Variants in KIF1A observed in about 807,000 individuals in gnomAD.
KIF1A encodes kinesin family member 1A, also known as kinesin-like protein KIF1A.
KIF1A carries 46 observed loss-of-function variants against 227.3 expected under a neutral mutation model. That is an observed-to-expected ratio of 0.20 (90% CI 0.16 to 0.26). The LOEUF is 0.26. KIF1A is among the 10% of genes least tolerant of loss of function. The pLI, the probability that KIF1A is intolerant of heterozygous loss-of-function variation, is 1.00. For synonymous variants in KIF1A, 1,022 were observed against 1,012.8 expected, an observed-to-expected ratio of 1.01 and a Z score of -0.17; for missense variants, 1,683 against 2,485.9, an observed-to-expected ratio of 0.68 and a Z score of 6.87.
At chr2:240,720,013 C>T (rs774835128) in intron 45 of KIF1A, 87 bp from the exon 46 acceptor site, 65 of 1,417,894 alleles carry the variant, frequency 4.6e-5, no homozygotes, top group Non-Finnish European at 5.6e-5. Flanking sequence ...CTCAGAGCAC[C>T]TCAGAAGGTG....
chr2:240,815,779 C>T (rs2058272245), intron 1 of KIF1A, among the ~76,000 whole-genome samples: 1 of 152,176 alleles, frequency 6.6e-6, no homozygotes, highest in Non-Finnish European at 1.5e-5. Context: ...GTCCCAGGTC[C>T]TCACTTTACA....
chr2:240,779,664 ACT>A (rs1179336252), intron 10 of KIF1A, among the ~76,000 whole-genome samples: 1 of 149,878 alleles, frequency 6.7e-6, no homozygotes, highest in Non-Finnish European at 1.5e-5. Context: ...ACAGTTCCAC[ACT>A]CAGTTCCTCA....
chr2:240,721,451 G>T (rs1358835748), intron 44 of KIF1A, among the ~76,000 whole-genome samples: 1 of 152,238 alleles, frequency 6.6e-6, no homozygotes, highest in Non-Finnish European at 1.5e-5. Flanking sequence ...GGTGGGGTCG[G>T]TCCCAGGAGG....
At chr2:240,797,014 T>C (rs1274616683) in intron 2 of KIF1A, among the ~76,000 whole-genome samples, 2 of 152,190 alleles carry the variant, frequency 1.3e-5, no homozygotes, top group Non-Finnish European at 2.9e-5. Context: ...TGGCTGTTCA[T>C]GTCACCACTC....
chr2:240,791,855 C>G (rs2055748910), intron 2 of KIF1A, among the ~76,000 whole-genome samples: 1 of 151,998 alleles, frequency 6.6e-6, no homozygotes, highest in South Asian at 2.1e-4. Context: ...TCCTGGGCCC[C>G]CACCCCTCCC....
intron 1 of KIF1A, among the ~76,000 whole-genome samples, chr2:240,805,697 T>C (rs1239697447): frequency 1.3e-5 from 2 of 152,186 alleles, no homozygotes; most frequent in African/African-American, 4.8e-5. Context: ...CCATTACATA[T>C]GGAACATTTA....
rs886703968 is a variant in KIF1A at position 240,736,869 on chromosome 2, G to A, written c.4007+194C>T. On this transcript the variant is annotated intron_variant, in intron 38 of 48. Coordinates refer to ENST00000498729, the MANE Select transcript of KIF1A (RefSeq NM_001244008.2). This position sits in a 1 kb window ranked among gnomAD's most constrained non-coding sequence, Gnocchi z 4.7. The stretch of plus-strand genomic sequence containing the variant: ...TGGGGATGCCTGAACCAGCAACGAG[G>A]TGCACAAACGAGGAGCCGGGGGTGC... Among the ~76,000 whole-genome samples the A allele has an allele frequency of 5.9e-5, 9 of 152,298 alleles. No homozygotes were observed. Among genetic ancestry groups the A allele is most frequent in the Admixed American group, 2.6e-4 (4 of 15,304 alleles).
chr2:240,768,816 G>A (rs533603365), intron 17 of KIF1A, among the ~76,000 whole-genome samples: 2 of 152,260 alleles, frequency 1.3e-5, no homozygotes, highest in South Asian at 2.1e-4. Context: ...CAGGCCCCTC[G>A]TGTCTCAGTC....
chr2:240,761,219 G>C lies in KIF1A; in HGVS notation c.2265+10C>G. The C allele has an allele frequency of 6.2e-7, 1 of 1,609,502 alleles. No individual in the cohort carries two copies. Among genetic ancestry groups the C allele is most frequent in the South Asian group, 1.1e-5 (1 of 90,574 alleles). On this transcript the variant is annotated intron_variant, in intron 24 of 48. Coordinates refer to ENST00000498729, the MANE Select transcript of KIF1A (RefSeq NM_001244008.2). ...CCAACAGGAAACGGTACAGCCAGTG[G>C]GCAGCCCACCTTCTTTTTCAGCTCC...
At chr2:240,754,743 C>A (rs1295791743) in intron 27 of KIF1A, among the ~76,000 whole-genome samples, 2 of 152,152 alleles carry the variant, frequency 1.3e-5, no homozygotes, top group Admixed American at 1.3e-4. Context: ...ACAGACACAC[C>A]CAACGCAGAG....
Position 240,789,826 on chromosome 2 carries a change from G to A in KIF1A, c.107-514C>T, listed in dbSNP as rs1230057332. ...ACTCCAGACAGAGCTCTATGGGACTGTCTTCTGCCAGAGTCCCTCCTCCCC... is the reference window on the plus strand; with the variant it reads ...ACTCCAGACAGAGCTCTATGGGACTATCTTCTGCCAGAGTCCCTCCTCCCC... On this transcript the variant is annotated intron_variant, in intron 2 of 48. Transcript: ENST00000498729. The surrounding 1 kb of genome is among the most constrained non-coding windows in gnomAD (Gnocchi z 4.8). Among the ~76,000 whole-genome samples the A allele has an allele frequency of 6.6e-6, 1 of 152,118 alleles. No individual in the cohort carries two copies. Among genetic ancestry groups the A allele is most frequent in the Non-Finnish European group, 1.5e-5 (1 of 68,020 alleles).
Position 240,757,584 on chromosome 2 carries a change from A to C in KIF1A, c.2593T>G (p.Ser865Ala). 6.5e-7 allele frequency: 1 copy of C among 1,535,078 alleles called. No individual in the cohort carries two copies. The highest frequency in any genetic ancestry group is 8.8e-7 in the Non-Finnish European group (1 of 1,137,890). Reference sequence around the variant, plus strand: ...AGAAGAGGGTAGCTGTTGCAGCCAGAGATGGCTGAACTGAGGTTAGTGCGA... The same window carrying C: ...AGAAGAGGGTAGCTGTTGCAGCCAGCGATGGCTGAACTGAGGTTAGTGCGA... The part of the protein sequence containing the change: ...WFRLVGSSAI[S>A]GCNSYPLLNT... Residue 865 changes from serine to alanine, a missense_variant, in exon 27 of 49, where the codon TCT (serine) becomes GCT (alanine). This residue lies in a region of KIF1A where 759 missense variants were observed against 1,020.2 expected (regional missense o/e 0.74). Coordinates refer to ENST00000498729, the MANE Select transcript of KIF1A (RefSeq NM_001244008.2). The surrounding 1 kb of genome is among the most constrained non-coding windows in gnomAD (Gnocchi z 6.2).
In KIF1A at chr2:240,797,772, C is replaced by G. The variant is rs1396207892; in HGVS notation, c.-20G>C. ...GGCCATCTCTGTGGCCTTCGTGGGT[C>G]ACTCCTCGCAGTAGTGGGAGCCCCA... On this transcript the variant is annotated 5_prime_UTR_variant, in exon 2 of 49. Transcript: ENST00000498729. 5.8e-6 allele frequency: 9 copies of G among 1,548,626 alleles called. No homozygotes were observed. The highest frequency in any genetic ancestry group is 6.2e-6 in the Non-Finnish European group (7 of 1,128,064).
At chr2:240,800,580 G>A (rs1010498370) in intron 1 of KIF1A, among the ~76,000 whole-genome samples, 4 of 152,334 alleles carry the variant, frequency 2.6e-5, no homozygotes, top group African/African-American at 4.8e-5. Context: ...GCTGAGGGAC[G>A]GAGGAAGCTG....
At chr2:240,728,482 G>A (rs1035280360) in intron 38 of KIF1A, 28 of 1,037,944 alleles carry the variant, frequency 2.7e-5, no homozygotes, top group South Asian at 7.9e-5. Context: ...AACAAGCACC[G>A]GCACAAGGCC....
At chr2:240,786,738 T>TCAGGACCCCTGAGTGAGAG (rs2054883165) in intron 5 of KIF1A, among the ~76,000 whole-genome samples, 1 of 23,994 alleles carries the variant, frequency 4.2e-5, no homozygotes, top group African/African-American at 1.5e-4. Flanking sequence ...GGGGGCTGCC[T>TCAGGACCCCTGAGTGAGAG]GCTGGGCCCC....
At chr2:240,756,259 TA>T (rs935014875) in intron 27 of KIF1A, among the ~76,000 whole-genome samples, 8 of 152,122 alleles carry the variant, frequency 5.3e-5, no homozygotes, top group Admixed American at 6.5e-5. Flanking sequence ...GAAGCAATCT[TA>T]ATCGCCAAAA....
At chr2:240,816,991 G>A (rs936781495) in intron 1 of KIF1A, among the ~76,000 whole-genome samples, 1 of 152,232 alleles carries the variant, frequency 6.6e-6, no homozygotes, top group Admixed American at 6.5e-5. Flanking sequence ...CAGCCAGGCT[G>A]AGGGTGGGGA....
chr2:240,772,427 G>A, intron 14 of KIF1A, 143 bp downstream of exon 14: 1 of 678,312 alleles, frequency 1.5e-6, no homozygotes, highest in Non-Finnish European at 2.6e-6. Context: ...CTGAGGGAGA[G>A]CAGTGCTTTC....
Sources: gnomAD v4.1 joint callset for allele counts (sites outside exome capture counted in the v4.1 genomes callset) on GRCh38, gnomAD v4.1.1 for gene constraint, gnomAD v4.1.1 regional missense constraint, Gnocchi (gnomAD v3.1) non-coding constraint, MANE v1.5 for transcripts, NCBI Gene and HGNC (gene_info 2026-07-23, HGNC 2026-07-21) for gene names.